PTPRD: variants seen among roughly 807,000 people sequenced by gnomAD.
The protein encoded by PTPRD is protein tyrosine phosphatase receptor type D.
A neutral mutation model predicts 214.5 loss-of-function variants in PTPRD; 34 were observed. The ratio of observed to expected loss-of-function variants is 0.16; its 90% CI spans 0.12 to 0.21. PTPRD has a LOEUF of 0.21. Among genes scored for constraint, PTPRD ranks in the 10% least tolerant of loss-of-function variants. PTPRD has a pLI of 1.00. For missense variants in PTPRD, 2,545 were observed against 2,398.7 expected (o/e 1.06, Z -1.27); for synonymous variants, 1,128 against 845.7 (o/e 1.33, Z -5.79).
At chr9:9,676,915 G>A (rs200473619) in intron 7 of PTPRD, among the ~76,000 whole-genome samples, 2 of 152,038 alleles carry the variant, frequency 1.3e-5, no homozygotes, top group African/African-American at 2.4e-5. Context: ...TTGGCTGCAT[G>A]AATGTCTTCT....
Position 8,928,932 on chromosome 9 carries a change from T to G in PTPRD, c.-104+89765A>C, listed in dbSNP as rs4134178. Among the ~76,000 whole-genome samples, 3 of 152,018 alleles carry G rather than the reference T, an allele frequency of 2.0e-5. No individual in the cohort carries two copies. The East Asian group carries it at 5.8e-4, about 29-fold the overall frequency. ...ATCCCTCGTAAGTTGTATTCCTAGG[T>G]ATTTTATTCTCTTTGTAGCAATTGT... On this transcript the variant is annotated intron_variant, in intron 11 of 45. Coordinates refer to ENST00000381196, the MANE Select transcript of PTPRD (RefSeq NM_002839.4).
At chr9:9,499,137 C>T (rs1007263265) in intron 8 of PTPRD, among the ~76,000 whole-genome samples, 3 of 152,038 alleles carry the variant, frequency 2.0e-5, no homozygotes, top group Non-Finnish European at 2.9e-5. Context: ...GAAGAAAAAT[C>T]CTATTGTTTC....
At chr9:9,271,802 T>C (rs768952697) in intron 9 of PTPRD, among the ~76,000 whole-genome samples, 9 of 151,420 alleles carry the variant, frequency 5.9e-5, no homozygotes, top group Admixed American at 1.3e-4. Context: ...TAGGGTTTGA[T>C]TGTGTTACTT....
rs557320335 is a variant in PTPRD, at chr9:8,594,670, C to G, written c.352+38647G>C. ...TGTGTTTGACTGTTCCTCCTTCCGA[C>G]GCTCTCGCTCTGTCTTGCCTGCGGC... On this transcript the variant is annotated intron_variant, in intron 14 of 45. Transcript: ENST00000381196. 3.9e-5 allele frequency among the ~76,000 whole-genome samples: 6 copies of G among 152,112 alleles called. No individual in the cohort carries two copies. The South Asian group carries it at 1.2e-3, about 32-fold the overall frequency.
chr9:9,844,850 T>C (rs2059115477), intron 5 of PTPRD, among the ~76,000 whole-genome samples: 1 of 151,508 alleles, frequency 6.6e-6, no homozygotes, highest in Non-Finnish European at 1.5e-5. Flanking sequence ...TTTGTGGCAT[T>C]TTATTTTATA....
intron 36 of PTPRD, among the ~76,000 whole-genome samples, chr9:8,399,915 C>T (rs574966053): frequency 1.4e-4 from 22 of 152,258 alleles, no homozygotes; most frequent in African/African-American, 5.3e-4. Flanking sequence ...TAAATGCTTC[C>T]ATTTCCTCAT....
intron 9 of PTPRD, among the ~76,000 whole-genome samples, chr9:9,271,518 T>C (rs1249211326): frequency 2.0e-5 from 3 of 151,388 alleles, no homozygotes; most frequent in Admixed American, 1.3e-4. Flanking sequence ...AAACATGCTA[T>C]GAATTGAATT....
At chr9:8,958,135 T>C (rs2099141202) in intron 11 of PTPRD, among the ~76,000 whole-genome samples, 1 of 151,910 alleles carries the variant, frequency 6.6e-6, no homozygotes, top group Non-Finnish European at 1.5e-5. Context: ...ATCCTGCAGG[T>C]GCTAAATGTG....
chr9:9,812,341 G>A (rs766231918), intron 5 of PTPRD, among the ~76,000 whole-genome samples: 5 of 151,836 alleles, frequency 3.3e-5, no homozygotes, highest in African/African-American at 4.8e-5. Context: ...TGCTTTAATT[G>A]TAAACAGATG....
chr9:10,571,748 G>A (rs538885757), intron 2 of PTPRD, among the ~76,000 whole-genome samples: 4 of 152,278 alleles, frequency 2.6e-5, no homozygotes, highest in African/African-American at 9.6e-5. Flanking sequence ...AGATGAAATT[G>A]TTCCACCTCA....
intron 8 of PTPRD, among the ~76,000 whole-genome samples, chr9:9,546,663 A>G (rs2078877688): frequency 1.3e-5 from 2 of 151,828 alleles, no homozygotes; most frequent in South Asian, 4.1e-4. Flanking sequence ...TTCCTCTTAT[A>G]CCAGTAGATT....
At chr9:9,364,330 C>T (rs1367758555) in intron 9 of PTPRD, among the ~76,000 whole-genome samples, 1 of 151,398 alleles carries the variant, frequency 6.6e-6, no homozygotes, top group African/African-American at 2.4e-5. Context: ...GAATTTTCCC[C>T]CGAAGTGCTT....
At chr9:9,345,010 G>A (rs902274893) in intron 9 of PTPRD, among the ~76,000 whole-genome samples, 2 of 152,010 alleles carry the variant, frequency 1.3e-5, no homozygotes, top group Non-Finnish European at 2.9e-5. Context: ...ACAAAATAAT[G>A]CCCTAGAAGT....
intron 4 of PTPRD, among the ~76,000 whole-genome samples, chr9:9,993,027 T>C (rs2096001938): frequency 6.6e-6 from 1 of 152,034 alleles, no homozygotes; most frequent in South Asian, 2.1e-4. Context: ...TGAACTTTCA[T>C]AAATAGTTGT....
chr9:8,318,339 C>T (rs1823577592), intron 45 of PTPRD, among the ~76,000 whole-genome samples: 1 of 152,012 alleles, frequency 6.6e-6, no homozygotes, highest in South Asian at 2.1e-4. Flanking sequence ...ATAACTAATT[C>T]TCAGTTTAAA....
intron 4 of PTPRD, among the ~76,000 whole-genome samples, chr9:9,992,717 G>A (rs545154139): frequency 2.0e-5 from 3 of 152,048 alleles, no homozygotes; most frequent in Admixed American, 2.0e-4. Flanking sequence ...ACCAAACACT[G>A]CACGTTCTCA....
At chr9:9,187,336 A>G (rs769969228) in intron 9 of PTPRD, among the ~76,000 whole-genome samples, 2 of 152,032 alleles carry the variant, frequency 1.3e-5, no homozygotes, top group Non-Finnish European at 2.9e-5. Flanking sequence ...TTGTACTCAG[A>G]TTTTCAGATT....
chr9:10,416,174 C>T (rs1052313723), intron 2 of PTPRD, among the ~76,000 whole-genome samples: 2 of 151,428 alleles, frequency 1.3e-5, no homozygotes, highest in African/African-American at 2.4e-5. Context: ...ATGGTGAAAC[C>T]CCACCTCTAC....
At chr9:9,388,941 T>G (rs962689735) in intron 9 of PTPRD, among the ~76,000 whole-genome samples, 1 of 151,584 alleles carries the variant, frequency 6.6e-6, no homozygotes, top group Non-Finnish European at 1.5e-5. Context: ...TTAGGGAGAG[T>G]TGGTGCTGAA....
Sources: allele counts gnomAD v4.1 joint callset (sites outside exome capture counted in the v4.1 genomes callset), GRCh38; gene constraint gnomAD v4.1.1; transcripts MANE v1.5; gene names NCBI Gene and HGNC (gene_info 2026-07-23, HGNC 2026-07-21).